EMG1: variants seen among roughly 807,000 people sequenced by gnomAD.
The protein encoded by EMG1 is EMG1 N1-specific pseudouridine methyltransferase, also known as ribosomal RNA small subunit methyltransferase NEP1.
In EMG1, 24 loss-of-function variants were observed where a neutral mutation model predicts 26.9. The observed-to-expected ratio is 0.89, with a 90% CI of 0.65 to 1.26. The LOEUF (loss-of-function observed/expected upper bound fraction) is 1.26, where lower values mean the gene tolerates loss of function less well. Ranked by LOEUF, EMG1 falls within the 50% of genes most tolerant of loss-of-function variation. The probability of loss-of-function intolerance (pLI) is 0.00; values close to 1 mark genes in which losing one functional copy is unlikely to be tolerated. For synonymous variants in EMG1, 140 were observed against 112.6 expected, an observed-to-expected ratio of 1.24 and a Z score of -1.54; for missense variants, 299 against 307.6, an observed-to-expected ratio of 0.97 and a Z score of 0.21.
At position 6,976,277 on chromosome 12, in the gene EMG1, CCCA is replaced by C. The variant is rs1565595240; in HGVS notation, c.*469_*471del. Reference sequence around the variant, plus strand: ...AGGGCCTTGCACCCCTCTCCACCCCCCCATGGGGGGGGTGGTGGTAGCGGCACA... The same window carrying C: ...AGGGCCTTGCACCCCTCTCCACCCCCTGGGGGGGGTGGTGGTAGCGGCACA... On this transcript the variant is annotated 3_prime_UTR_variant, in exon 6 of 6. Coordinates refer to ENST00000599672, the MANE Select transcript of EMG1 (RefSeq NM_006331.8). 1 of 153,960 alleles carries C rather than the reference CCCA, an allele frequency of 6.5e-6. No individual in the cohort carries two copies. The highest frequency in any genetic ancestry group is 1.4e-5 in the Non-Finnish European group (1 of 69,210). The allele number at this position is 153,960 out of a possible 1,614,324, so 9.5% of individuals were successfully genotyped here. A position where few individuals can be genotyped will look rare whatever the true frequency, so the allele number is the denominator to read the frequency against.
At chr12:6,981,356 G>T, downstream of EMG1, 1 of 669,312 alleles carries the variant, frequency 1.5e-6, no homozygotes, top group Non-Finnish European at 2.6e-6. Context: ...TGCATAGCTG[G>T]CTGTTGCTGC....
chr12:6,979,129 C>A lies in EMG1; in HGVS notation c.*3320C>A. On this transcript the variant is annotated 3_prime_UTR_variant, in exon 6 of 6. Transcript: ENST00000599672. ...TGGTTTCTGAATTCCCTAGAAGTGC[C>A]CAAATGTATCAGTCAAGAGAAGAAA... 1 of 335,642 alleles carries A rather than the reference C, an allele frequency of 3.0e-6. No individual in the cohort carries two copies. Among genetic ancestry groups the A allele is most frequent in the Non-Finnish European group, 5.5e-6 (1 of 182,344 alleles). 20.8% of individuals were successfully genotyped at this position (335,642 alleles called of 1,614,324 possible).
Position 6,987,420 on chromosome 12 carries a change from A to G in EMG1, c.*155-362A>G, listed in dbSNP as rs782377679. ...ATCTATGACCCTTTCAGGTAGATCA[A>G]TGAGCAAGGAAATAGGATCAAGTCT... On this transcript the variant is annotated intron_variant and NMD_transcript_variant, in intron 6 of 7. Coordinates refer to the EMG1 transcript ENST00000261406. This position sits in a 1 kb window ranked among gnomAD's most constrained non-coding sequence, Gnocchi z 4.1. 5.3e-5 allele frequency among the ~76,000 whole-genome samples: 8 copies of G among 152,372 alleles called. No individual in the cohort carries two copies. The East Asian group carries it at 7.7e-4, about 15-fold the overall frequency.
chr12:6,988,962 A>T (rs1555155117), downstream of EMG1, among the ~76,000 whole-genome samples: 2 of 151,438 alleles, frequency 1.3e-5, no homozygotes, highest in East Asian at 2.0e-4. Context: ...TGTCTCTACT[A>T]AAAAAAATAC....
downstream of EMG1, chr12:6,982,696 T>G: frequency 6.2e-7 from 1 of 1,613,178 alleles, no homozygotes; most frequent in Non-Finnish European, 8.5e-7. Flanking sequence ...CAAAAGGTAG[T>G]GAGGACGGCA....
At chr12:6,985,089 TAAAAA>T (rs10559240) in intron 6 of EMG1, among the ~76,000 whole-genome samples, 3 of 112,604 alleles carry the variant, frequency 2.7e-5, no homozygotes, top group Admixed American at 9.6e-5. Context: ...CCCCATACAT[TAAAAA>T]AAAAAAAAAA....
rs1202608210 is a variant in EMG1 at position 6,976,278 on chromosome 12, C to G, written c.*469C>G. On this transcript the variant is annotated 3_prime_UTR_variant, in exon 6 of 6. Transcript: ENST00000599672. ...GGGCCTTGCACCCCTCTCCACCCCCCCATGGGGGGGGTGGTGGTAGCGGCA... is the reference window on the plus strand; with the variant it reads ...GGGCCTTGCACCCCTCTCCACCCCCGCATGGGGGGGGTGGTGGTAGCGGCA... The G allele has an allele frequency of 1.3e-5, 2 of 153,986 alleles. No individual in the cohort carries two copies. The highest frequency in any genetic ancestry group is 2.4e-5 in the African/African-American group (1 of 41,442). The allele number at this position is 153,986 out of a possible 1,614,324, so 9.5% of individuals were successfully genotyped here.
downstream of EMG1, among the ~76,000 whole-genome samples, chr12:6,984,473 A>G (rs944029319): frequency 6.6e-6 from 1 of 152,236 alleles, no homozygotes; most frequent in Admixed American, 6.5e-5. Context: ...GCACTAGTGC[A>G]TATGTGGAGG....
chr12:6,977,351 G>C lies in EMG1; in HGVS notation c.*1542G>C, dbSNP rs1555153389. Reference sequence around the variant, plus strand: ...CAGTGAGTCCCTCCCAGTCTCACAAGCAGGCCTTCACTTGCCTTAAGCCAT... The same window carrying C: ...CAGTGAGTCCCTCCCAGTCTCACAACCAGGCCTTCACTTGCCTTAAGCCAT... On this transcript the variant is annotated 3_prime_UTR_variant, in exon 6 of 6. Coordinates refer to ENST00000599672, the MANE Select transcript of EMG1 (RefSeq NM_006331.8). This position sits in a 1 kb window ranked among gnomAD's most constrained non-coding sequence, Gnocchi z 4.5. The C allele has an allele frequency of 2.5e-6, 4 of 1,613,954 alleles. No individual in the cohort carries two copies. The highest frequency in any genetic ancestry group is 3.4e-6 in the Non-Finnish European group (4 of 1,179,952).
At chr12:6,971,195 A>G (rs2138314614) in intron 1 of EMG1, 104 bp downstream of exon 1, 1 of 969,674 alleles carries the variant, frequency 1.0e-6, no homozygotes, top group Middle Eastern at 2.5e-4. Flanking sequence ...AGAGGGGTGA[A>G]AGATGCTTTT....
At chr12:6,973,237 G>C (rs1946353998) in intron 1 of EMG1, among the ~76,000 whole-genome samples, 1 of 151,402 alleles carries the variant, frequency 6.6e-6, no homozygotes, top group African/African-American at 2.4e-5. Context: ...GTACAGTCTT[G>C]GCTCACTGCA....
At position 6,970,942 on chromosome 12, in the gene EMG1, G is replaced by T. The variant is rs782118451; in HGVS notation, c.19G>T (p.Gly7Ter). MAAPSD[G>*]FKPRERSGGE... is the part of the protein sequence containing the mutation. ...TTGCAAGATGGCCGCGCCCAGTGAT[G>T]GATTCAAGCCTCGTGAACGAAGCGG... Residue 7 changes from glycine to a stop codon, truncating the protein, a stop_gained, in exon 1 of 6, where the codon GGA becomes TGA. Transcript: ENST00000599672. LOFTEE classifies it high-confidence loss of function. 2 of 1,613,036 alleles carry T rather than the reference G, an allele frequency of 1.2e-6. No individual in the cohort carries two copies. Among genetic ancestry groups the T allele is most frequent in the African/African-American group, 2.7e-5 (2 of 74,924 alleles).
rs997667214 is a variant in EMG1 at position 6,987,784 on chromosome 12, G to A, written c.*157G>A. The A allele has an allele frequency of 1.2e-5, 5 of 400,614 alleles. No individual in the cohort carries two copies. Among genetic ancestry groups the A allele is most frequent in the African/African-American group, 1.0e-4 (5 of 48,674 alleles). 24.8% of individuals were successfully genotyped at this position (400,614 alleles called of 1,614,324 possible). A position where few individuals can be genotyped will look rare whatever the true frequency, so the allele number is the denominator to read the frequency against. ...GAATCTAATTTAACATTTTCTAGGT[G>A]TCTGGATCGTATCTATTCCAGAGTA... On this transcript the variant is annotated splice_region_variant and 3_prime_UTR_variant and NMD_transcript_variant, in exon 7 of 8. Coordinates refer to the EMG1 transcript ENST00000261406. This position sits in a 1 kb window ranked among gnomAD's most constrained non-coding sequence, Gnocchi z 4.1.
chr12:6,975,649 C>G, intron 5 of EMG1, 47 bp from the exon 6 acceptor site: 11 of 1,296,252 alleles, frequency 8.5e-6, no homozygotes, highest in Non-Finnish European at 1.2e-5. Context: ...AGGGCTGAAA[C>G]AGCTACTGAG....
At chr12:6,974,201 C>T in intron 1 of EMG1, 138 bp from the exon 2 acceptor site, 1 of 676,020 alleles carries the variant, frequency 1.5e-6, no homozygotes. Context: ...TTTAGTAGGT[C>T]TAGGGTGGGC....
chr12:6,971,535 C>T (rs1946328740), intron 1 of EMG1, among the ~76,000 whole-genome samples: 1 of 152,204 alleles, frequency 6.6e-6, no homozygotes, highest in Admixed American at 6.5e-5. Flanking sequence ...CTCGGCCTCC[C>T]AAAGTGTTGG....
Position 6,978,769 on chromosome 12 carries a change from G to A in EMG1, c.*2960G>A. On this transcript the variant is annotated 3_prime_UTR_variant, in exon 6 of 6. Coordinates refer to ENST00000599672, the MANE Select transcript of EMG1 (RefSeq NM_006331.8). The stretch of plus-strand genomic sequence containing the variant: ...CTCAGCACTCTTCCTTTTCACACTT[G>A]TGGCTGGCTACTTCATACCTGCCTG... 5.7e-6 allele frequency: 9 copies of A among 1,571,354 alleles called. No homozygotes were observed. The South Asian group carries it at 6.0e-5, about 10-fold the overall frequency.
chr12:6,994,031 C>G (rs1339714067), intron 7 of EMG1, among the ~76,000 whole-genome samples: 2 of 152,218 alleles, frequency 1.3e-5, no homozygotes, highest in Non-Finnish European at 2.9e-5. Context: ...GAGACAGGGT[C>G]TCACTATGTT....
Position 6,978,221 on chromosome 12 carries a change from CA to C in EMG1, c.*2413del. ...TGGGGGTCAAAGTCAGTGTGAGCGACAGGGGGTTCTGCCCAGATGGGAAAGA... is the reference window on the plus strand; with the variant it reads ...TGGGGGTCAAAGTCAGTGTGAGCGACGGGGGTTCTGCCCAGATGGGAAAGA... On this transcript the variant is annotated 3_prime_UTR_variant, in exon 6 of 6. Transcript: ENST00000599672. The C allele has an allele frequency of 1.7e-6, 2 of 1,200,636 alleles. No individual in the cohort carries two copies. The highest frequency in any genetic ancestry group is 3.1e-5 in the South Asian group (2 of 65,572). 74.4% of individuals were successfully genotyped at this position (1,200,636 alleles called of 1,614,324 possible). A position where few individuals can be genotyped will look rare whatever the true frequency, so the allele number is the denominator to read the frequency against.
Sources: allele counts gnomAD v4.1 joint callset (sites outside exome capture counted in the v4.1 genomes callset), GRCh38; gene constraint gnomAD v4.1.1; non-coding constraint Gnocchi (gnomAD v3.1); transcripts MANE v1.5; gene names NCBI Gene and HGNC (gene_info 2026-07-23, HGNC 2026-07-21).